The following CCDC171 variants were observed in gnomAD, a reference collection of about 807,000 sequenced individuals.
CCDC171 encodes coiled-coil domain containing 171, also known as coiled-coil domain-containing protein 171.
Under a neutral mutation model 168.2 loss-of-function variants are expected in CCDC171, and 177 were observed. The ratio of observed to expected loss-of-function variants is 1.05; its 90% confidence interval spans 0.93 to 1.19. The LOEUF (loss-of-function observed/expected upper bound fraction) is 1.19. Ranked by LOEUF, CCDC171 falls within the 50% of genes most tolerant of loss-of-function variation. The pLI is 0.00. For synonymous variants in CCDC171, 687 were observed against 540.8 expected (o/e 1.27, Z -3.75); for missense variants, 1,991 against 1,539.0 (o/e 1.29, Z -4.91).
At chr9:15,815,198 G>A (rs1460016807) in intron 21 of CCDC171, among the ~76,000 whole-genome samples, 3 of 151,964 alleles carry the variant, frequency 2.0e-5, no homozygotes, top group Non-Finnish European at 2.9e-5. Flanking sequence ...GCCTCACAGG[G>A]GTCTCAAGAC....
chr9:16,071,552 GC>G, the CCDC171 span, among the ~76,000 whole-genome samples: 2 of 152,174 alleles, frequency 1.3e-5, no homozygotes, highest in Non-Finnish European at 2.9e-5. Flanking sequence ...CCAGTGCCTG[GC>G]CATGGAGAAT....
At chr9:15,632,951 G>C (rs908916294) in intron 7 of CCDC171, among the ~76,000 whole-genome samples, 1 of 152,170 alleles carries the variant, frequency 6.6e-6, no homozygotes, top group African/African-American at 2.4e-5. Context: ...AATGGTGCTG[G>C]GAAAACTGGC....
chr9:15,671,985 A>G (rs1223045392), intron 9 of CCDC171, among the ~76,000 whole-genome samples: 5 of 152,120 alleles, frequency 3.3e-5, no homozygotes, highest in African/African-American at 9.7e-5. Flanking sequence ...AAGCATTCCT[A>G]TTTCTCCACA....
At chr9:16,081,683 G>C in the CCDC171 span, among the ~76,000 whole-genome samples, 1 of 152,088 alleles carries the variant, frequency 6.6e-6, no homozygotes, top group African/African-American at 2.4e-5. Flanking sequence ...TTGCACCTCT[G>C]TGGGTCTAAC....
intron 7 of CCDC171, among the ~76,000 whole-genome samples, chr9:15,637,334 T>C (rs1356475060): frequency 1.3e-5 from 2 of 152,166 alleles, no homozygotes; most frequent in Non-Finnish European, 2.9e-5. Flanking sequence ...GGTGTGGTTG[T>C]GCACAACCCG....
At chr9:15,904,289 G>A (rs541801460) in intron 24 of CCDC171, among the ~76,000 whole-genome samples, 19 of 152,124 alleles carry the variant, frequency 1.2e-4, no homozygotes, top group Non-Finnish European at 1.9e-4. Context: ...AGGTCGGGTT[G>A]CCCACAAAGG....
chr9:15,556,736 T>G (rs2038833405), intron 1 of CCDC171, among the ~76,000 whole-genome samples: 1 of 151,742 alleles, frequency 6.6e-6, no homozygotes, highest in South Asian at 2.1e-4. Flanking sequence ...CAGAAGCTCT[T>G]TAGTTTAATT....
At chr9:15,877,793 T>C (rs1818055884) in intron 24 of CCDC171, among the ~76,000 whole-genome samples, 1 of 152,184 alleles carries the variant, frequency 6.6e-6, no homozygotes, top group Non-Finnish European at 1.5e-5. Flanking sequence ...TAATACCTAT[T>C]ATTCATTATC....
At chr9:15,821,458 C>G (rs1160124893) in intron 21 of CCDC171, among the ~76,000 whole-genome samples, 2 of 117,358 alleles carry the variant, frequency 1.7e-5, no homozygotes, top group African/African-American at 6.4e-5. Context: ...AGCCCAAAAT[C>G]TCCTTGAGCT....
chr9:15,691,717 GC>G (rs1324599544), intron 10 of CCDC171, among the ~76,000 whole-genome samples: 2 of 151,512 alleles, frequency 1.3e-5, no homozygotes, highest in Non-Finnish European at 2.9e-5. Context: ...TTGCTCTGTC[GC>G]CCAGGCCGGA....
intron 3 of CCDC171, among the ~76,000 whole-genome samples, chr9:15,984,242 C>T (rs1317411091): frequency 1.7e-5 from 1 of 58,692 alleles, no homozygotes; most frequent in Non-Finnish European, 3.7e-5. Flanking sequence ...TTCCAGGCCT[C>T]AGAAAGCATA....
intron 23 of CCDC171, among the ~76,000 whole-genome samples, chr9:15,873,667 T>G (rs754001180): frequency 2.6e-5 from 4 of 152,078 alleles, no homozygotes; most frequent in Non-Finnish European, 5.9e-5. Context: ...ATGGAATTCT[T>G]AAGGCTTTTA....
intron 7 of CCDC171, among the ~76,000 whole-genome samples, chr9:15,641,568 A>T (rs1311173167): frequency 3.3e-5 from 5 of 152,192 alleles, no homozygotes; most frequent in African/African-American, 1.2e-4. Flanking sequence ...TCTGCTGCTG[A>T]ATTGGAGTCT....
At chr9:15,877,802 T>C (rs552326599) in intron 24 of CCDC171, among the ~76,000 whole-genome samples, 1 of 152,300 alleles carries the variant, frequency 6.6e-6, no homozygotes. Flanking sequence ...TTATTCATTA[T>C]CTTATACTCT....
intron 7 of CCDC171, among the ~76,000 whole-genome samples, chr9:15,635,213 C>G (rs2046109645): frequency 6.6e-6 from 1 of 152,148 alleles, no homozygotes; most frequent in Non-Finnish European, 1.5e-5. Context: ...GTCGAAGTCT[C>G]AAAATCTCAA....
intron 11 of CCDC171, among the ~76,000 whole-genome samples, chr9:15,718,875 C>T (rs2053264565): frequency 6.6e-6 from 1 of 152,142 alleles, no homozygotes; most frequent in African/African-American, 2.4e-5. Context: ...ACTAATAAGT[C>T]CAGACTGCAT....
At chr9:16,085,748 A>C in the CCDC171 span, among the ~76,000 whole-genome samples, 1 of 152,170 alleles carries the variant, frequency 6.6e-6, no homozygotes, top group African/African-American at 2.4e-5. Context: ...ACATTTTTTC[A>C]TTCTTCACTG....
At chr9:15,996,835 T>C (rs574455186) in intron 3 of CCDC171, among the ~76,000 whole-genome samples, 2 of 152,272 alleles carry the variant, frequency 1.3e-5, no homozygotes, top group South Asian at 4.1e-4. Flanking sequence ...TAAATGAATA[T>C]GAAGACAAAT....
intron 23 of CCDC171, among the ~76,000 whole-genome samples, chr9:15,851,458 TAAG>T (rs900413234): frequency 3.3e-5 from 5 of 151,798 alleles, no homozygotes; most frequent in Non-Finnish European, 7.4e-5. Flanking sequence ...TTATTGGAGA[TAAG>T]AAAAATAAGA....
Sources: gnomAD v4.1 joint callset for allele counts (sites outside exome capture counted in the v4.1 genomes callset) on GRCh38, gnomAD v4.1.1 for gene constraint, MANE v1.5 for transcripts, NCBI Gene and HGNC (gene_info 2026-07-23, HGNC 2026-07-21) for gene names.